The following HERC6 variants were observed in gnomAD, a reference collection of about 807,000 sequenced individuals.
HERC6 encodes the protein HECT and RLD domain containing E3 ubiquitin protein ligase family member 6.
Under a neutral mutation model 114.5 loss-of-function variants are expected in HERC6, and 101 were observed. The ratio of observed to expected loss-of-function variants is 0.88; its 90% CI spans 0.75 to 1.04. The LOEUF is 1.04. HERC6 is among the 50% of genes least tolerant of loss of function. The pLI is 0.00. For synonymous variants in HERC6, 408 were observed against 436.2 expected (o/e 0.94, Z 0.81); for missense variants, 1,133 against 1,230.9 (o/e 0.92, Z 1.19).
chr4:88,438,048 C>T (rs760640225), intron 20 of HERC6, among the ~76,000 whole-genome samples: 2 of 150,174 alleles, frequency 1.3e-5, no homozygotes, highest in African/African-American at 4.9e-5. Context: ...ATTGCTTGAA[C>T]CCAGGAAGTG....
At chr4:88,380,353 A>AAT (rs1294254998) in intron 1 of HERC6, among the ~76,000 whole-genome samples, 1 of 35,298 alleles carries the variant, frequency 2.8e-5, no homozygotes, top group South Asian at 8.9e-4. Context: ...ATATAATATA[A>AAT]ATATATATAT....
At chr4:88,424,751 A>G in intron 15 of HERC6, 49 bp downstream of exon 15, 1 of 1,104,860 alleles carries the variant, frequency 9.1e-7, no homozygotes, top group Non-Finnish European at 1.3e-6. Flanking sequence ...CATATATAAA[A>G]TAGAGATAGT....
chr4:88,394,095 T>C (rs1735070992), intron 5 of HERC6, among the ~76,000 whole-genome samples: 1 of 152,156 alleles, frequency 6.6e-6, no homozygotes, highest in African/African-American at 2.4e-5. Flanking sequence ...AAAGAGGAGA[T>C]GTGAACCAAA....
chr4:88,417,088 CTGTG>C (rs1032077355), intron 12 of HERC6, among the ~76,000 whole-genome samples: 5 of 152,006 alleles, frequency 3.3e-5, no homozygotes, highest in African/African-American at 9.7e-5. Context: ...GTGTATTCAC[CTGTG>C]TGTGTTTTCA....
intron 17 of HERC6, among the ~76,000 whole-genome samples, chr4:88,431,671 C>G (rs1170338773): frequency 6.6e-6 from 1 of 152,134 alleles, no homozygotes; most frequent in East Asian, 1.9e-4. Flanking sequence ...CCTGTAATTC[C>G]AGGATTTTGA....
chr4:88,428,012 G>A (rs995259611), intron 15 of HERC6, among the ~76,000 whole-genome samples: 7 of 152,210 alleles, frequency 4.6e-5, no homozygotes, highest in Non-Finnish European at 1.0e-4. Context: ...GTACTATTTA[G>A]TGTGACCAGG....
intron 16 of HERC6, 74 bp from the exon 17 acceptor site, chr4:88,431,088 A>G: frequency 7.6e-7 from 1 of 1,310,628 alleles, no homozygotes; most frequent in South Asian, 1.4e-5. Flanking sequence ...TGGTCGTTAG[A>G]GGTTTAAAAC....
In HERC6 at chr4:88,396,869, T is replaced by G. The variant is rs192005184; in HGVS notation, c.906T>G (p.Tyr302Ter). 1 of 1,587,366 alleles carries G rather than the reference T, an allele frequency of 6.3e-7. No homozygotes were observed. Among genetic ancestry groups the G allele is most frequent in the Non-Finnish European group, 8.6e-7 (1 of 1,164,750 alleles). The change falls in exon 7 of 23, where the codon TAT (tyrosine) becomes TAG (stop). Residue 302 changes from tyrosine (Y) to a stop codon, truncating the protein, a stop_gained. Transcript: ENST00000264346. LOFTEE classifies it high-confidence loss of function. ...IDCGSYHTLAYVHTTGQVVSF... is the reference protein window; with the variant it reads ...IDCGSYHTLA ...CCTGTAGTTATCACACCCTGGCATA[T>G]GTGCACACCACTGGTCAGGTGGTAT...
intron 14 of HERC6, 46 bp downstream of exon 14, chr4:88,424,019 A>G: frequency 1.1e-6 from 1 of 931,996 alleles, no homozygotes; most frequent in Non-Finnish European, 1.6e-6. Flanking sequence ...ATTTTAAAGG[A>G]AGACACATTA....
chr4:88,442,672 A>T lies in HERC6; in HGVS notation c.*212A>T. ...AGGGTACAGAGATAGGGATCTAAGG[A>T]TGACTTGGACACACTCCCTGGCACT... On this transcript the variant is annotated 3_prime_UTR_variant, in exon 23 of 23. Coordinates refer to ENST00000264346, the MANE Select transcript of HERC6 (RefSeq NM_017912.4). 1 of 581,232 alleles carries T rather than the reference A, an allele frequency of 1.7e-6. No homozygotes were observed. Among genetic ancestry groups the T allele is most frequent in the Non-Finnish European group, 3.1e-6 (1 of 324,570 alleles). The allele number at this position is 581,232 out of a possible 1,614,324, so 36.0% of individuals were successfully genotyped here.
At chr4:88,398,265 C>T in intron 8 of HERC6, 56 bp downstream of exon 8, 2 of 1,099,142 alleles carry the variant, frequency 1.8e-6, no homozygotes, top group Non-Finnish European at 2.6e-6. Context: ...AGATTTCAGA[C>T]CGGTATTTGA....
intron 8 of HERC6, among the ~76,000 whole-genome samples, chr4:88,403,091 ATTTTTC>A (rs2148890032): frequency 6.6e-6 from 1 of 152,226 alleles, no homozygotes; most frequent in Admixed American, 6.5e-5. Flanking sequence ...TTGAAAATGG[ATTTTTC>A]TTTCCAGACA....
chr4:88,378,934 T>C lies in HERC6; in HGVS notation c.13T>C (p.Trp5Arg). Residue 5 changes from tryptophan to arginine, a missense_variant, in exon 1 of 23, where the codon TGG (tryptophan) becomes CGG (arginine). By Grantham distance (101) the Trp-to-Arg change is moderately radical. Around this residue, in one of 3 missense-constraint regions of HERC6, gnomAD observed 735 missense variants for 754.0 expected, o/e 0.97. Transcript: ENST00000264346. ...GCGCAGAAGCGGGATGTACTTCTGTTGGGGCGCCGACTCCAGGGAGCTGCA... is the reference window on the plus strand; with the variant it reads ...GCGCAGAAGCGGGATGTACTTCTGTCGGGGCGCCGACTCCAGGGAGCTGCA... MYFC[W>R]GADSRELQRR... 2 of 1,593,230 alleles carry C rather than the reference T, an allele frequency of 1.3e-6. No homozygotes were observed. Among genetic ancestry groups the C allele is most frequent in the Non-Finnish European group, 1.7e-6 (2 of 1,170,722 alleles).
At chr4:88,440,326 A>AC in intron 22 of HERC6, 76 bp downstream of exon 22, 3 of 868,152 alleles carry the variant, frequency 3.5e-6, no homozygotes, top group Non-Finnish European at 5.5e-6. Context: ...GAATGAAGCC[A>AC]TTGAAGTGGC....
chr4:88,441,301 C>G (rs1739328414), intron 22 of HERC6, among the ~76,000 whole-genome samples: 1 of 152,222 alleles, frequency 6.6e-6, no homozygotes. Flanking sequence ...TGTGCTTATT[C>G]TGTGCCATGC....
chr4:88,442,627 C>A lies in HERC6; in HGVS notation c.*167C>A, dbSNP rs1304919568. On this transcript the variant is annotated 3_prime_UTR_variant, in exon 23 of 23. Coordinates refer to ENST00000264346, the MANE Select transcript of HERC6 (RefSeq NM_017912.4). ...TGGTCAAAGGGTGCAAAATCTCACACAAGACTGAGGCAGGAGAATAGGGTA... is the reference window on the plus strand; with the variant it reads ...TGGTCAAAGGGTGCAAAATCTCACAAAAGACTGAGGCAGGAGAATAGGGTA... 5 of 636,778 alleles carry A rather than the reference C, an allele frequency of 7.9e-6. No homozygotes were observed. The highest frequency in any genetic ancestry group is 1.1e-5 in the Non-Finnish European group (4 of 355,478). The allele number at this position is 636,778 out of a possible 1,614,324, so 39.4% of individuals were successfully genotyped here.
In HERC6 at chr4:88,390,842, T is replaced by A. The variant is rs28435459; in HGVS notation, c.627T>A (p.Ser209Arg). Residue 209 changes from serine (S) to arginine (R), a missense_variant, in exon 4 of 23, where the codon AGT becomes AGA. By Grantham distance (110) the Ser-to-Arg change is moderately radical. Transcript: ENST00000264346. The stretch of plus-strand genomic sequence containing the variant: ...CTTCGTTTGGCTGGGGAAGTAACAG[T>A]GCCGGGCAGCTGGCCCTCAGTGGGC... Reference protein sequence around the residue: ...CGTSFGWGSNSAGQLALSGRN... With the variant: ...CGTSFGWGSNRAGQLALSGRN... 0.013 allele frequency: 20,819 copies of A among 1,613,862 alleles called. 1,284 individuals carry two copies. The African/African-American group carries it at 0.16, about 13-fold the overall frequency.
chr4:88,381,323 C>T (rs1389398631), intron 1 of HERC6, among the ~76,000 whole-genome samples: 3 of 152,042 alleles, frequency 2.0e-5, no homozygotes, highest in Non-Finnish European at 4.4e-5. Context: ...GGGGAATTTA[C>T]ATGCGTGGGA....
chr4:88,408,802 G>A (rs1448253495), intron 11 of HERC6, among the ~76,000 whole-genome samples, 185 bp downstream of exon 11: 2 of 152,152 alleles, frequency 1.3e-5, no homozygotes, highest in East Asian at 1.9e-4. Flanking sequence ...ATTGACATGA[G>A]GCTGGCCATG....
Sources: allele counts gnomAD v4.1 joint callset (sites outside exome capture counted in the v4.1 genomes callset), GRCh38; gene constraint gnomAD v4.1.1; regional missense constraint gnomAD v4.1.1; transcripts MANE v1.5; gene names NCBI Gene and HGNC (gene_info 2026-07-23, HGNC 2026-07-21).